Variants in ANKRD13D observed in about 807,000 individuals in gnomAD.
ANKRD13D encodes the protein ankyrin repeat domain 13D.
Under a neutral mutation model 68.8 loss-of-function variants are expected in ANKRD13D, and 24 were observed. The ratio of observed to expected loss-of-function variants is 0.35; its 90% CI spans 0.25 to 0.49. The LOEUF (loss-of-function observed/expected upper bound fraction) is 0.49. Ranked by LOEUF, ANKRD13D falls within the 20% of genes least tolerant of loss-of-function variation. The pLI, the probability that ANKRD13D is intolerant of heterozygous loss-of-function variation, is 0.99. For synonymous variants in ANKRD13D, 331 were observed against 336.1 expected (o/e 0.98, Z 0.16); for missense variants, 735 against 832.1 (o/e 0.88, Z 1.44).
Position 67,289,427 on chromosome 11 carries a change from G to T in ANKRD13D, c.-34G>T. 5 of 1,408,048 alleles carry T rather than the reference G, an allele frequency of 3.6e-6. No individual in the cohort carries two copies. The highest frequency in any genetic ancestry group is 4.6e-6 in the Non-Finnish European group (5 of 1,086,364). The allele number at this position is 1,408,048 out of a possible 1,614,324, so 87.2% of individuals were successfully genotyped here. On this transcript the variant is annotated 5_prime_UTR_variant, in exon 1 of 15. Coordinates refer to ENST00000511455, the MANE Select transcript of ANKRD13D (RefSeq NM_207354.3). ...AGGGGGCCGTGCCAGGCCCGAAGCC[G>T]AGGCGGGGCCGGGATGCGGCGCTGA...
chr11:67,291,683 C>T lies in ANKRD13D; in HGVS notation c.478C>T (p.Leu160Phe). The T allele has an allele frequency of 6.2e-7, 1 of 1,614,130 alleles. No homozygotes were observed. The highest frequency in any genetic ancestry group is 8.5e-7 in the Non-Finnish European group (1 of 1,180,032). ...TGAGAGCCTGCGAGTAGACACCAGTCTCCTGGGCTTCGAGCACATGACCTG... is the reference window on the plus strand; with the variant it reads ...TGAGAGCCTGCGAGTAGACACCAGTTTCCTGGGCTTCGAGCACATGACCTG... ...RGESLRVDTSLLGFEHMTWQR... is the reference protein window; with the variant it reads ...RGESLRVDTSFLGFEHMTWQR... The change falls in exon 5 of 15, where the codon CTC becomes TTC. Residue 160 changes from leucine to phenylalanine, a missense_variant. By Grantham distance (22) the Leu-to-Phe change is conservative. Transcript: ENST00000511455.
chr11:67,299,195 C>G lies in ANKRD13D; in HGVS notation c.798+71C>G, dbSNP rs1319382029. The G allele has an allele frequency of 2.0e-5, 31 of 1,560,178 alleles. No homozygotes were observed. Among genetic ancestry groups the G allele is most frequent in the Middle Eastern group, 1.8e-4 (1 of 5,646 alleles). ...CAGGAACTCAGCTCCTCTCCACATC[C>G]ATCCCAGAGTAGCCCCTGGGCTCTG... On this transcript the variant is annotated intron_variant, in intron 7 of 14. Transcript: ENST00000511455. This position sits in a 1 kb window ranked among gnomAD's most constrained non-coding sequence, Gnocchi z 6.2.
rs1358008165 is a variant in ANKRD13D at position 67,299,180 on chromosome 11, G to C, written c.798+56G>C. On this transcript the variant is annotated intron_variant, in intron 7 of 14. Coordinates refer to ENST00000511455, the MANE Select transcript of ANKRD13D (RefSeq NM_207354.3). This position sits in a 1 kb window ranked among gnomAD's most constrained non-coding sequence, Gnocchi z 6.2. ...GTAGGAGATGAGGTCCAGGAACTCAGCTCCTCTCCACATCCATCCCAGAGT... is the reference window on the plus strand; with the variant it reads ...GTAGGAGATGAGGTCCAGGAACTCACCTCCTCTCCACATCCATCCCAGAGT... The C allele has an allele frequency of 3.8e-6, 6 of 1,583,962 alleles. No individual in the cohort carries two copies. Among genetic ancestry groups the C allele is most frequent in the Non-Finnish European group, 5.2e-6 (6 of 1,155,762 alleles).
In ANKRD13D at chr11:67,300,443, G is replaced by A. The variant is rs908312217; in HGVS notation, c.1073+320G>A. ...CAGCGACGTGGCCTGGGAGTGGAGC[G>A]TCTGCCTTGGTGGAACAGAACAGTT... On this transcript the variant is annotated intron_variant, in intron 10 of 14. Transcript: ENST00000511455. The surrounding 1 kb of genome is among the most constrained non-coding windows in gnomAD (Gnocchi z 4.3). 1.6e-4 allele frequency: 60 copies of A among 383,026 alleles called. 2 individuals carry two copies. Among genetic ancestry groups the A allele is most frequent in the South Asian group, 7.1e-4 (21 of 29,440 alleles). 23.7% of individuals were successfully genotyped at this position (383,026 alleles called of 1,614,324 possible).
In ANKRD13D at chr11:67,300,475, T is replaced by G; in HGVS notation, c.1073+352T>G. 1 of 336,384 alleles carries G rather than the reference T, an allele frequency of 3.0e-6. No individual in the cohort carries two copies. The highest frequency in any genetic ancestry group is 5.5e-6 in the Non-Finnish European group (1 of 181,106). 20.8% of individuals were successfully genotyped at this position (336,384 alleles called of 1,614,324 possible). On this transcript the variant is annotated intron_variant, in intron 10 of 14. Coordinates refer to ENST00000511455, the MANE Select transcript of ANKRD13D (RefSeq NM_207354.3). The surrounding 1 kb of genome is among the most constrained non-coding windows in gnomAD (Gnocchi z 4.3). ...TTGGTGGAACAGAACAGTTACGCTC[T>G]TGCCTCGTGAGGAGCCTTGAGCAGG...
chr11:67,300,002 C>G lies in ANKRD13D; in HGVS notation c.952C>G (p.Gln318Glu). Reference protein sequence around the residue: ...QHSSHTGAPVQQAASPTNPTA... With the variant: ...QHSSHTGAPVEQAASPTNPTA... ...CCTGGGACCCACGCAGGCCCCCGTG[C>G]AGCAGGCAGCCAGCCCCACCAACCC... Residue 318 changes from glutamine to glutamate, a missense_variant, in exon 10 of 15, where the codon CAG becomes GAG. Transcript: ENST00000511455. The surrounding 1 kb of genome is among the most constrained non-coding windows in gnomAD (Gnocchi z 4.3). 1 of 1,612,774 alleles carries G rather than the reference C, an allele frequency of 6.2e-7. No individual in the cohort carries two copies. Among genetic ancestry groups the G allele is most frequent in the African/African-American group, 1.3e-5 (1 of 75,030 alleles).
chr11:67,298,951 A>C, intron 6 of ANKRD13D, 107 bp from the exon 7 acceptor site: 7 of 1,161,938 alleles, frequency 6.0e-6, no homozygotes, highest in Non-Finnish European at 9.1e-6. Context: ...AGGGGCCCTG[A>C]GAGTTGGGCA....
rs1440427131 is a variant in ANKRD13D, at chr11:67,299,129, G to A, written c.798+5G>A. 6.3e-7 allele frequency: 1 copy of A among 1,592,384 alleles called. No homozygotes were observed. The highest frequency in any genetic ancestry group is 1.1e-5 in the South Asian group (1 of 90,578). ...GTTAGCGGCTACGAGGCCAAGGCAG[G>A]AGAGGCTAGGGGTGGGGGGCTGGGG... is the stretch of plus-strand genomic sequence containing the variant. On this transcript the variant is annotated splice_donor_5th_base_variant and intron_variant, in intron 7 of 14. Coordinates refer to ENST00000511455, the MANE Select transcript of ANKRD13D (RefSeq NM_207354.3). This position sits in a 1 kb window ranked among gnomAD's most constrained non-coding sequence, Gnocchi z 6.2.
Position 67,289,325 on chromosome 11 carries a change from C to A in ANKRD13D, c.-136C>A. On this transcript the variant is annotated 5_prime_UTR_variant, in exon 1 of 15. Coordinates refer to ENST00000511455, the MANE Select transcript of ANKRD13D (RefSeq NM_207354.3). ...CCCGCCCTCCCTGCCGCCCGCGCTG[C>A]CGCCGCCGCCGCCGCCGCCGCTACT... The A allele has an allele frequency of 3.2e-6, 1 of 315,696 alleles. No individual in the cohort carries two copies. Among genetic ancestry groups the A allele is most frequent in the Non-Finnish European group, 4.5e-6 (1 of 221,936 alleles). 19.6% of individuals were successfully genotyped at this position (315,696 alleles called of 1,614,324 possible). A position where few individuals can be genotyped will look rare whatever the true frequency, so the allele number is the denominator to read the frequency against.
intron 6 of ANKRD13D, among the ~76,000 whole-genome samples, chr11:67,293,536 C>T (rs1860658661): frequency 6.6e-6 from 1 of 152,108 alleles, no homozygotes; most frequent in African/African-American, 2.4e-5. Flanking sequence ...GGGGTCTGGC[C>T]TTTCACCCAG....
rs376543024 is a variant in ANKRD13D, at chr11:67,291,986, G to A, written c.542-5G>A. The A allele has an allele frequency of 6.3e-5, 99 of 1,573,250 alleles. No individual in the cohort carries two copies. Among genetic ancestry groups the A allele is most frequent in the African/African-American group, 8.1e-5 (6 of 73,978 alleles). The stretch of plus-strand genomic sequence containing the variant: ...CCCCCTCTGTCCACCCCTACCGGCC[G>A]GCAGAGGCAGGAGCCCTGGTGATGG... On this transcript the variant is annotated splice_region_variant and splice_polypyrimidine_tract_variant and intron_variant, in intron 5 of 14. Transcript: ENST00000511455.
Position 67,302,404 on chromosome 11 carries a change from T to C in ANKRD13D, c.*72T>C. 7.0e-7 allele frequency: 1 copy of C among 1,438,552 alleles called. No homozygotes were observed. The highest frequency in any genetic ancestry group is 1.4e-5 in the African/African-American group (1 of 69,532). 89.1% of individuals were successfully genotyped at this position (1,438,552 alleles called of 1,614,324 possible). Reference sequence around the variant, plus strand: ...GTAATTTATTTATTTATAAACTCTCTGCTGCTGAGCTTGGGGCCTGGAGCC... The same window carrying C: ...GTAATTTATTTATTTATAAACTCTCCGCTGCTGAGCTTGGGGCCTGGAGCC... On this transcript the variant is annotated 3_prime_UTR_variant, in exon 15 of 15. Coordinates refer to ENST00000511455, the MANE Select transcript of ANKRD13D (RefSeq NM_207354.3).
In ANKRD13D at chr11:67,300,375, T is replaced by C. The variant is rs77616840; in HGVS notation, c.1073+252T>C. 1,294 of 514,142 alleles carry C rather than the reference T, an allele frequency of 2.5e-3. 13 individuals carry two copies. The highest frequency in any genetic ancestry group is 0.022 in the African/African-American group (1,134 of 51,690). The allele number at this position is 514,142 out of a possible 1,614,324, so 31.8% of individuals were successfully genotyped here. On this transcript the variant is annotated intron_variant, in intron 10 of 14. Coordinates refer to ENST00000511455, the MANE Select transcript of ANKRD13D (RefSeq NM_207354.3). This position sits in a 1 kb window ranked among gnomAD's most constrained non-coding sequence, Gnocchi z 4.3. ...ATGTATGGTTTTCTATTGAATTTCA[T>C]GAGTACCTGCTGGGGCCAGCGTGGC...
chr11:67,293,608 C>A (rs1297461119), intron 6 of ANKRD13D, among the ~76,000 whole-genome samples: 2 of 152,182 alleles, frequency 1.3e-5, no homozygotes, highest in East Asian at 1.9e-4. Context: ...CTCAAGTGAT[C>A]TAAGTAGCTG....
Position 67,301,054 on chromosome 11 carries a change from A to G in ANKRD13D, c.1138A>G (p.Ile380Val). The change falls in exon 11 of 15, where the codon ATC (isoleucine) becomes GTC (valine). Residue 380 changes from isoleucine to valine, a missense_variant. Coordinates refer to ENST00000511455, the MANE Select transcript of ANKRD13D (RefSeq NM_207354.3). This position sits in a 1 kb window ranked among gnomAD's most constrained non-coding sequence, Gnocchi z 4.5. ...CTCCCTGGGTGACCAGGTGACCCCC[A>G]TCATCGACCTAATGGCCATCAGCAA... ...PLSLGDQVTP[I>V]IDLMAISNAH... 3 of 1,614,008 alleles carry G rather than the reference A, an allele frequency of 1.9e-6. No individual in the cohort carries two copies. Among genetic ancestry groups the G allele is most frequent in the South Asian group, 2.2e-5 (2 of 91,088 alleles).
At position 67,292,020 on chromosome 11, in the gene ANKRD13D, C is replaced by T; in HGVS notation, c.571C>T (p.His191Tyr). The T allele has an allele frequency of 6.3e-7, 1 of 1,590,916 alleles. No individual in the cohort carries two copies. Among genetic ancestry groups the T allele is most frequent in the Non-Finnish European group, 8.6e-7 (1 of 1,163,662 alleles). The change falls in exon 6 of 15, where the codon CAT (histidine) becomes TAT (tyrosine). Residue 191 changes from histidine (H) to tyrosine (Y), a missense_variant. Transcript: ENST00000511455. ...EAGALVMEVD[H>Y]DRQVVHVETL... ...AGGAGCCCTGGTGATGGAAGTGGAC[C>T]ATGACCGGCAGGTGGTGCATGTGGA...
Position 67,291,993 on chromosome 11 carries a change from G to T in ANKRD13D, c.544G>T (p.Ala182Ser). The T allele has an allele frequency of 6.3e-7, 1 of 1,578,982 alleles. No individual in the cohort carries two copies. Among genetic ancestry groups the T allele is most frequent in the Non-Finnish European group, 8.6e-7 (1 of 1,157,258 alleles). Residue 182 changes from alanine (A) to serine (S), a missense_variant and splice_region_variant, in exon 6 of 15, where the codon GCA (alanine) becomes TCA (serine). Ala to Ser is a moderately conservative substitution (Grantham distance 99, BLOSUM62 1). Coordinates refer to ENST00000511455, the MANE Select transcript of ANKRD13D (RefSeq NM_207354.3). ...RRSFIFKGQE[A>S]GALVMEVDHD... ...TGTCCACCCCTACCGGCCGGCAGAG[G>T]CAGGAGCCCTGGTGATGGAAGTGGA...
rs750597441 is a variant in ANKRD13D, at chr11:67,300,936, C to T, written c.1074-54C>T. On this transcript the variant is annotated intron_variant, in intron 10 of 14. Transcript: ENST00000511455. This position sits in a 1 kb window ranked among gnomAD's most constrained non-coding sequence, Gnocchi z 4.3. The stretch of plus-strand genomic sequence containing the variant: ...TGCCCACGAACCAGAGGGCAGTCCT[C>T]AATGGAAGGGCCACCAGCCGTGCCT... 3 of 1,601,248 alleles carry T rather than the reference C, an allele frequency of 1.9e-6. No homozygotes were observed. The highest frequency in any genetic ancestry group is 2.7e-5 in the African/African-American group (2 of 74,692).
intron 1 of ANKRD13D, 61 bp from the exon 2 acceptor site, chr11:67,290,017 G>T: frequency 6.7e-7 from 1 of 1,498,398 alleles, no homozygotes; most frequent in Non-Finnish European, 8.9e-7. Context: ...TGCTCGCCCT[G>T]GCAGCCTCCC....
Sources: allele counts gnomAD v4.1 joint callset (sites outside exome capture counted in the v4.1 genomes callset), GRCh38; gene constraint gnomAD v4.1.1; non-coding constraint Gnocchi (gnomAD v3.1); transcripts MANE v1.5; gene names NCBI Gene and HGNC (gene_info 2026-07-23, HGNC 2026-07-21).